The following PKHD1L1 variants were observed in gnomAD, a reference collection of about 807,000 sequenced individuals.
The protein encoded by PKHD1L1 is fibrocystin-L.
A neutral mutation model predicts 462.9 loss-of-function variants in PKHD1L1; 434 were observed. The ratio of observed to expected loss-of-function variants is 0.94; its 90% CI spans 0.87 to 1.02. The LOEUF is 1.02. Among genes scored for constraint, PKHD1L1 ranks in the 50% least tolerant of loss-of-function variants. The pLI is 0.00. For synonymous variants in PKHD1L1, 1,781 were observed against 1,750.0 expected, an observed-to-expected ratio of 1.02 and a Z score of -0.44; for missense variants, 5,202 against 5,096.1, an observed-to-expected ratio of 1.02 and a Z score of -0.63.
chr8:109,513,897 T>C (rs768306859), intron 71 of PKHD1L1, among the ~76,000 whole-genome samples: 2 of 152,158 alleles, frequency 1.3e-5, no homozygotes, highest in Non-Finnish European at 2.9e-5. Context: ...CTCTTTCTAC[T>C]TCCACCTTTG....
At position 109,476,627 on chromosome 8, in the gene PKHD1L1, C is replaced by A. The variant is rs765854379; in HGVS notation, c.8877C>A (p.Asp2959Glu). The A allele has an allele frequency of 2.9e-5, 46 of 1,600,200 alleles. No homozygotes were observed. The East Asian group carries it at 1.0e-3, about 35-fold the overall frequency. Residue 2959 changes from aspartate to glutamate, a missense_variant, in exon 52 of 78, where the codon GAC (aspartate) becomes GAA (glutamate). Asp to Glu is a conservative substitution (Grantham distance 45). This residue lies in a region of PKHD1L1 where 4,497 missense variants were observed against 4,336.8 expected (regional missense o/e 1.04). Coordinates refer to ENST00000378402, the MANE Select transcript of PKHD1L1 (RefSeq NM_177531.6). Reference sequence around the variant, plus strand: ...ATTGGAATACTAGCAAGAATGGGGACTGGCACCTTGAAGCAAACACTAGTA... The same window carrying A: ...ATTGGAATACTAGCAAGAATGGGGAATGGCACCTTGAAGCAAACACTAGTA... ...PLNWNTSKNG[D>E]WHLEANTSTL...
intron 30 of PKHD1L1, among the ~76,000 whole-genome samples, chr8:109,436,925 T>C (rs150952277): frequency 2.4e-4 from 36 of 152,332 alleles, no homozygotes; most frequent in African/African-American, 7.5e-4. Flanking sequence ...AGGAATACTT[T>C]ATTTTTCCTG....
chr8:109,516,687 G>A (rs1015184487), intron 72 of PKHD1L1, among the ~76,000 whole-genome samples: 1 of 152,068 alleles, frequency 6.6e-6, no homozygotes, highest in Admixed American at 6.6e-5. Context: ...AAGAGAGTCA[G>A]CGTTACTACT....
chr8:109,410,942 T>C (rs1316091877), intron 19 of PKHD1L1, among the ~76,000 whole-genome samples: 1 of 151,762 alleles, frequency 6.6e-6, no homozygotes, highest in East Asian at 1.9e-4. Context: ...TTGGCCAGGA[T>C]GGTCTCGATC....
Position 109,438,980 on chromosome 8 carries a change from T to C in PKHD1L1, c.3844T>C (p.Cys1282Arg), listed in dbSNP as rs762730483. The stretch of plus-strand genomic sequence containing the variant: ...GGCGGTGTATGTTGGAGGAAAAACC[T>C]GCCAGATTCTTCACTGGAACTTCAC... ...NMAVYVGGKT[C>R]QILHWNFTDI... is the part of the protein sequence containing the mutation. The change falls in exon 32 of 78, where the codon TGC becomes CGC. Residue 1282 changes from cysteine (C) to arginine (R), a missense_variant. Cys to Arg is a radical substitution (Grantham distance 180). Around this residue, in one of 3 missense-constraint regions of PKHD1L1, gnomAD observed 4,497 missense variants for 4,336.8 expected, o/e 1.04. Transcript: ENST00000378402. The C allele has an allele frequency of 1.8e-5, 29 of 1,613,586 alleles. No homozygotes were observed. The highest frequency in any genetic ancestry group is 2.2e-5 in the Non-Finnish European group (26 of 1,179,700).
intron 38 of PKHD1L1, among the ~76,000 whole-genome samples, chr8:109,447,763 T>C (rs1816233647): frequency 6.6e-6 from 1 of 152,202 alleles, no homozygotes; most frequent in Non-Finnish European, 1.5e-5. Context: ...CTACCAAAAA[T>C]AAAGATAGTA....
chr8:109,427,167 T>G lies in PKHD1L1; in HGVS notation c.3000+11T>G. The G allele has an allele frequency of 6.2e-7, 1 of 1,604,378 alleles. No individual in the cohort carries two copies. Among genetic ancestry groups the G allele is most frequent in the Non-Finnish European group, 8.5e-7 (1 of 1,171,938 alleles). ...CAGAATCTTCTACAGGTTCCCTCATTTGGCTTGGCTTCTCTTTTCTTCTAT... is the reference window on the plus strand; with the variant it reads ...CAGAATCTTCTACAGGTTCCCTCATGTGGCTTGGCTTCTCTTTTCTTCTAT... On this transcript the variant is annotated intron_variant, in intron 25 of 77. Coordinates refer to ENST00000378402, the MANE Select transcript of PKHD1L1 (RefSeq NM_177531.6).
At chr8:109,374,065 T>G (rs1811669819) in intron 2 of PKHD1L1, among the ~76,000 whole-genome samples, 1 of 152,162 alleles carries the variant, frequency 6.6e-6, no homozygotes, top group Non-Finnish European at 1.5e-5. Flanking sequence ...CCTTGTTAAC[T>G]TTCTGTCTCG....
rs1821104884 is a variant in PKHD1L1, at chr8:109,534,368, C to T, written c.*4278C>T. Among the ~76,000 whole-genome samples the T allele has an allele frequency of 6.6e-6, 1 of 152,022 alleles. No individual in the cohort carries two copies. The highest frequency in any genetic ancestry group is 1.5e-5 in the Non-Finnish European group (1 of 68,002). On this transcript the variant is annotated 3_prime_UTR_variant, in exon 78 of 78. Coordinates refer to ENST00000378402, the MANE Select transcript of PKHD1L1 (RefSeq NM_177531.6). ...GTCTCAGCTAGTCGGGAGGCTGAGG[C>T]AGGAGAATGGTGTGAACCCAGGAGG...
intron 65 of PKHD1L1, among the ~76,000 whole-genome samples, chr8:109,498,245 G>A: frequency 9.6e-6 from 1 of 103,730 alleles, no homozygotes; most frequent in Non-Finnish European, 1.9e-5. Context: ...GGGACTACAG[G>A]CGCCCGCCAC....
At position 109,390,026 on chromosome 8, in the gene PKHD1L1, G is replaced by A. The variant is rs144256805; in HGVS notation, c.698-426G>A. ...TTTAGTTCTCTGTGTCATTGCTCTT[G>A]GCTAATGTTTCCTTCCTCTAGACAA... On this transcript the variant is annotated intron_variant, in intron 8 of 77. Coordinates refer to ENST00000378402, the MANE Select transcript of PKHD1L1 (RefSeq NM_177531.6). Among the ~76,000 whole-genome samples, 966 of 151,480 alleles carry A rather than the reference G, an allele frequency of 6.4e-3. 8 individuals are homozygous for A. The highest frequency in any genetic ancestry group is 0.051 in the Middle Eastern group (15 of 294).
At chr8:109,508,293 T>C (rs1428997178) in intron 70 of PKHD1L1, 29 bp downstream of exon 70, 1 of 1,563,630 alleles carries the variant, frequency 6.4e-7, no homozygotes. Context: ...TAAACTACAA[T>C]TACTCAAAAC....
chr8:109,368,315 G>C (rs973635943), intron 2 of PKHD1L1, among the ~76,000 whole-genome samples: 16 of 152,150 alleles, frequency 1.1e-4, no homozygotes, highest in Non-Finnish European at 1.5e-4. Context: ...TATGGACTTT[G>C]GTTCAGTCTG....
chr8:109,411,877 C>T (rs1281127626), intron 19 of PKHD1L1, among the ~76,000 whole-genome samples: 1 of 152,122 alleles, frequency 6.6e-6, no homozygotes, highest in Non-Finnish European at 1.5e-5. Context: ...TTGTCTTAGA[C>T]GGGTGGCCTC....
chr8:109,445,443 A>T lies in PKHD1L1; in HGVS notation c.5574A>T (p.Pro1858=). ...TGATCACAGGAAATGGCTTCTATCC[A>T]GGCAACACTACAGTCACTATTGGGG... The part of the protein sequence containing the change: ...TLVITGNGFY[P]GNTTVTIGDE... The change falls in exon 38 of 78, where the codon CCA becomes CCT. Residue 1858 remains proline (P), a synonymous_variant. Coordinates refer to ENST00000378402, the MANE Select transcript of PKHD1L1 (RefSeq NM_177531.6). The T allele has an allele frequency of 6.2e-7, 1 of 1,614,010 alleles. No individual in the cohort carries two copies. Among genetic ancestry groups the T allele is most frequent in the Non-Finnish European group, 8.5e-7 (1 of 1,179,894 alleles).
intron 12 of PKHD1L1, among the ~76,000 whole-genome samples, chr8:109,399,577 A>G (rs1813166662): frequency 6.6e-6 from 1 of 152,148 alleles, no homozygotes; most frequent in Admixed American, 6.6e-5. Context: ...TTTTTTAAAA[A>G]GTAAAACAAA....
At chr8:109,481,283 A>T in intron 55 of PKHD1L1, 150 bp from the exon 56 acceptor site, 1 of 663,460 alleles carries the variant, frequency 1.5e-6, no homozygotes, top group Non-Finnish European at 2.3e-6. Flanking sequence ...AAGTGAAATT[A>T]AAGTCACTTC....
intron 17 of PKHD1L1, 95 bp from the exon 18 acceptor site, chr8:109,407,954 T>G (rs1813645456): frequency 1.2e-6 from 1 of 837,464 alleles, no homozygotes; most frequent in East Asian, 4.3e-5. Flanking sequence ...TTGGCTACAT[T>G]TGAGTGTCTA....
intron 45 of PKHD1L1, among the ~76,000 whole-genome samples, chr8:109,455,697 AG>A (rs1322696239): frequency 2.0e-5 from 3 of 152,200 alleles, no homozygotes. Context: ...ATCATGTTTG[AG>A]GTACCAGGGC....
Sources: allele counts gnomAD v4.1 joint callset (sites outside exome capture counted in the v4.1 genomes callset), GRCh38; gene constraint gnomAD v4.1.1; regional missense constraint gnomAD v4.1.1; transcripts MANE v1.5; gene names NCBI Gene and HGNC (gene_info 2026-07-23, HGNC 2026-07-21).